The following TENM2 variants were observed in gnomAD, a reference collection of about 807,000 sequenced individuals.
The protein encoded by TENM2 is teneurin-2.
Under a neutral mutation model 245.2 loss-of-function variants are expected in TENM2, and 52 were observed. The observed-to-expected ratio is 0.21, with a 90% CI of 0.17 to 0.27. The LOEUF is 0.27. Ranked by LOEUF, TENM2 falls within the 10% of genes least tolerant of loss-of-function variation. The pLI, the probability that TENM2 is intolerant of heterozygous loss-of-function variation, is 1.00. For synonymous variants in TENM2, 1,363 were observed against 1,438.9 expected (o/e 0.95, Z 1.19); for missense variants, 3,046 against 3,666.8 (o/e 0.83, Z 4.37).
intron 2 of TENM2, among the ~76,000 whole-genome samples, chr5:167,869,915 T>C (rs1199170001): frequency 6.6e-6 from 1 of 152,152 alleles, no homozygotes; most frequent in East Asian, 1.9e-4. Flanking sequence ...TGCATAGAAA[T>C]AATGTAAATT....
chr5:167,339,157 C>T (rs1757950015), intron 1 of TENM2, among the ~76,000 whole-genome samples: 1 of 152,200 alleles, frequency 6.6e-6, no homozygotes, highest in Non-Finnish European at 1.5e-5. Context: ...TCCAAACTCT[C>T]ATCTAAATAG....
chr5:166,988,270 G>T, the TENM2 span, among the ~76,000 whole-genome samples: 3 of 152,016 alleles, frequency 2.0e-5, no homozygotes, highest in African/African-American at 7.2e-5. Context: ...TCCATCTTCT[G>T]TTCCTTGTTG....
At chr5:167,894,181 TGATG>T (rs765827675) in intron 3 of TENM2, among the ~76,000 whole-genome samples, 2 of 152,132 alleles carry the variant, frequency 1.3e-5, no homozygotes, top group Non-Finnish European at 2.9e-5. Flanking sequence ...AAATCACAGA[TGATG>T]GATGGATGGA....
intron 2 of TENM2, among the ~76,000 whole-genome samples, chr5:167,811,009 A>G (rs1306880419): frequency 6.6e-6 from 1 of 152,156 alleles, no homozygotes; most frequent in Middle Eastern, 3.2e-3. Context: ...GCCACACAGA[A>G]TGAAAGACAC....
the TENM2 span, among the ~76,000 whole-genome samples, chr5:167,174,480 A>G: frequency 2.0e-5 from 3 of 152,186 alleles, no homozygotes; most frequent in Non-Finnish European, 4.4e-5. Context: ...AATTAATAGA[A>G]TGAACGCTGA....
intron 1 of TENM2, among the ~76,000 whole-genome samples, chr5:167,356,674 AT>A (rs1759354065): frequency 6.6e-6 from 1 of 152,306 alleles, no homozygotes; most frequent in East Asian, 1.9e-4. Flanking sequence ...GATATCAATA[AT>A]AGAACACAGT....
intron 2 of TENM2, among the ~76,000 whole-genome samples, chr5:167,456,904 G>A (rs17068499): frequency 0.1 from 15,610 of 152,192 alleles, 2,053 homozygotes; most frequent in African/African-American, 0.31. Context: ...TCCGAAAAGC[G>A]CTGTGGTTGA....
intron 2 of TENM2, among the ~76,000 whole-genome samples, chr5:167,864,682 T>C (rs138444129): frequency 6.6e-6 from 1 of 152,210 alleles, no homozygotes; most frequent in Non-Finnish European, 1.5e-5. Context: ...AGGTCTAAAA[T>C]CAGAAAACCT....
At chr5:167,466,913 C>T (rs1021525851) in intron 2 of TENM2, among the ~76,000 whole-genome samples, 4 of 152,232 alleles carry the variant, frequency 2.6e-5, no homozygotes, top group East Asian at 1.9e-4. Flanking sequence ...GTTCGGACTT[C>T]GGGTGCTTTG....
intron 2 of TENM2, among the ~76,000 whole-genome samples, chr5:167,592,854 C>T (rs1191487999): frequency 5.3e-5 from 8 of 151,934 alleles, no homozygotes; most frequent in African/African-American, 1.7e-4. Context: ...TTCTGTTATA[C>T]ACATCATATC....
intron 7 of TENM2, among the ~76,000 whole-genome samples, chr5:168,085,139 G>C (rs1354447131): frequency 6.6e-6 from 1 of 152,230 alleles, no homozygotes; most frequent in Non-Finnish European, 1.5e-5. Context: ...TGAGACTAGG[G>C]TTTTGGGGAG....
the TENM2 span, among the ~76,000 whole-genome samples, chr5:167,265,331 CAAAAAAA>C: frequency 0.25 from 9,814 of 38,886 alleles, 394 homozygotes; most frequent in East Asian, 0.42. Context: ...GACTCTGTCT[CAAAAAAA>C]AAAAAAAAAA....
chr5:167,169,607 G>A, the TENM2 span, among the ~76,000 whole-genome samples: 1 of 152,186 alleles, frequency 6.6e-6, no homozygotes, highest in Non-Finnish European at 1.5e-5. Flanking sequence ...TCAGCGGTGT[G>A]CATAGACCAT....
chr5:167,672,028 CTCTAATGTAATATATGCAT>C (rs1755982979), intron 2 of TENM2, among the ~76,000 whole-genome samples: 1 of 151,956 alleles, frequency 6.6e-6, no homozygotes, highest in South Asian at 2.1e-4. Context: ...TGCATTTCTG[CTCTAATGTAATATATGCAT>C]TCTTTAAAAA....
Position 167,994,443 on chromosome 5 carries a change from G to A in TENM2, c.1186+1261G>A, listed in dbSNP as rs780653398. ...CTGCCAAAGAAGGAACTGGCCCAGC[G>A]CTTCCCAGACCATTCTCCTAAGCTT... On this transcript the variant is annotated intron_variant, in intron 5 of 28. Coordinates refer to ENST00000518659, the Ensembl canonical transcript of TENM2. Among the ~76,000 whole-genome samples, 12 of 152,104 alleles carry A rather than the reference G, an allele frequency of 7.9e-5. 1 individual carries two copies. The highest frequency in any genetic ancestry group is 2.0e-4 in the Admixed American group (3 of 15,270).
Position 167,590,538 on chromosome 5 carries a change from C to T in TENM2, c.502+215065C>T, listed in dbSNP as rs190168176. ...TTTGTTATTGCAAGTTTATAGTAAG[C>T]TTAATGTAATAGAAGAACCACTCCT... On this transcript the variant is annotated intron_variant, in intron 2 of 28. Transcript: ENST00000518659. Among the ~76,000 whole-genome samples, 3 of 152,036 alleles carry T rather than the reference C, an allele frequency of 2.0e-5. 1 individual carries two copies. The highest frequency in any genetic ancestry group is 2.0e-4 in the Admixed American group (3 of 15,258).
At chr5:167,870,512 T>A (rs1772711331) in intron 2 of TENM2, among the ~76,000 whole-genome samples, 1 of 151,164 alleles carries the variant, frequency 6.6e-6, no homozygotes, top group South Asian at 2.1e-4. Context: ...ACAGTCTTAC[T>A]AAGTTCAGAG....
the TENM2 span, among the ~76,000 whole-genome samples, chr5:167,261,919 A>C: frequency 1.1e-4 from 17 of 152,304 alleles, no homozygotes; most frequent in South Asian, 1.5e-3. Flanking sequence ...AGACTCTAAC[A>C]GCTCCATTTT....
intron 5 of TENM2, among the ~76,000 whole-genome samples, chr5:168,000,732 A>C (rs1374808854): frequency 6.6e-6 from 1 of 152,188 alleles, no homozygotes; most frequent in East Asian, 1.9e-4. Context: ...GGCACGATAG[A>C]TTGATGTAAC....
Sources: gnomAD v4.1 joint callset for allele counts (sites outside exome capture counted in the v4.1 genomes callset) on GRCh38, gnomAD v4.1.1 for gene constraint, MANE v1.5 for transcripts, NCBI Gene and HGNC (gene_info 2026-07-23, HGNC 2026-07-21) for gene names.